Variants in MLLT10 observed in about 807,000 individuals in gnomAD.
MLLT10 encodes MLLT10 histone lysine methyltransferase DOT1L cofactor, also known as protein AF-10.
In MLLT10, 30 loss-of-function variants were observed where a neutral mutation model predicts 129.1. That is an observed-to-expected ratio of 0.23 (90% CI 0.17 to 0.32). The LOEUF (loss-of-function observed/expected upper bound fraction) is 0.32. Ranked by LOEUF, MLLT10 falls within the 10% of genes least tolerant of loss-of-function variation. MLLT10 has a pLI of 1.00. For missense variants in MLLT10, 1,119 were observed against 1,268.3 expected, an observed-to-expected ratio of 0.88 and a Z score of 1.79; for synonymous variants, 490 against 446.4, an observed-to-expected ratio of 1.10 and a Z score of -1.23.
upstream of MLLT10, chr10:21,534,152 G>A (rs987695023): frequency 1.1e-5 from 4 of 370,564 alleles, no homozygotes; most frequent in Admixed American, 1.8e-4. Flanking sequence ...TAGGCCGGGG[G>A]CAGCCAACAG....
rs542298194 is a variant in MLLT10 at position 21,669,621 on chromosome 10, A to G, written c.796-828A>G. On this transcript the variant is annotated intron_variant, in intron 9 of 22. Transcript: ENST00000307729. ...TTTAGTGAACTTAATGGCAACATCA[A>G]AATCTTTGCCCTTATGGACTTTATA... is the stretch of plus-strand genomic sequence containing the variant. Among the ~76,000 whole-genome samples the G allele has an allele frequency of 3.0e-4, 45 of 152,320 alleles. 1 individual carries two copies. The highest frequency in any genetic ancestry group is 2.5e-3 in the South Asian group (12 of 4,832).
chr10:21,693,183 A>G (rs541961758), intron 13 of MLLT10, among the ~76,000 whole-genome samples: 1 of 152,242 alleles, frequency 6.6e-6, no homozygotes, highest in African/African-American at 2.4e-5. Context: ...AGAAAAAATC[A>G]CCCCATGTAA....
chr10:21,626,059 C>G (rs183857767), intron 8 of MLLT10: 3 of 1,500,486 alleles, frequency 2.0e-6, no homozygotes, highest in African/African-American at 1.4e-5. Flanking sequence ...CAAGCAAGGC[C>G]TTGATCTTCA....
intron 3 of MLLT10, chr10:21,557,124 G>T: frequency 7.2e-7 from 1 of 1,383,382 alleles, no homozygotes; most frequent in Non-Finnish European, 9.3e-7. Flanking sequence ...TTGCCCTTTT[G>T]TCTTTTCCTC....
chr10:21,658,358 A>C (rs556937626), intron 9 of MLLT10, among the ~76,000 whole-genome samples: 1 of 152,222 alleles, frequency 6.6e-6, no homozygotes, highest in Admixed American at 6.5e-5. Flanking sequence ...AAATGGAAAC[A>C]TATAGTATGT....
intron 5 of MLLT10, among the ~76,000 whole-genome samples, chr10:21,603,465 C>G (rs1040135615): frequency 6.6e-5 from 10 of 152,070 alleles, no homozygotes; most frequent in African/African-American, 1.9e-4. Flanking sequence ...GCTTTTAAAG[C>G]TTTAATACTT....
rs1045316962 is a variant in MLLT10 at position 21,534,320 on chromosome 10, C to CT, written c.-201_-200insT. On this transcript the variant is annotated 5_prime_UTR_variant, in exon 1 of 23. Coordinates refer to ENST00000307729, the MANE Select transcript of MLLT10 (RefSeq NM_001195626.3). ...GCCCAGCGGGAGCCCCCCCTCCCCC[C>CT]AGTGCGCCTGTGCGGAGGCCCTCTT... The CT allele has an allele frequency of 5.1e-6, 2 of 389,240 alleles. No homozygotes were observed. Among genetic ancestry groups the CT allele is most frequent in the Non-Finnish European group, 9.1e-6 (2 of 218,832 alleles). 24.1% of individuals were successfully genotyped at this position (389,240 alleles called of 1,614,324 possible).
At chr10:21,571,779 CTTTGT>C (rs1404534106) in intron 3 of MLLT10, among the ~76,000 whole-genome samples, 2 of 152,044 alleles carry the variant, frequency 1.3e-5, no homozygotes, top group African/African-American at 4.8e-5. Context: ...CTTTGCTATT[CTTTGT>C]TTTCTTTTTT....
chr10:21,687,684 T>C lies in MLLT10; in HGVS notation c.1699+5427T>C, dbSNP rs185164839. On this transcript the variant is annotated intron_variant, in intron 13 of 22. Transcript: ENST00000307729. ...TAGGTTAAAAAAAGGGGAAGGGAAC[T>C]AGGCCTTGGGCGTAGTAAAGAGCTG... Among the ~76,000 whole-genome samples, 46 of 152,296 alleles carry C rather than the reference T, an allele frequency of 3.0e-4. 1 individual carries two copies. Among genetic ancestry groups the C allele is most frequent in the Admixed American group, 2.7e-3 (42 of 15,286 alleles).
intron 4 of MLLT10, among the ~76,000 whole-genome samples, chr10:21,594,567 A>ATTTAATATGAAATTTAACACATTTC (rs1171913756): frequency 6.7e-6 from 1 of 148,256 alleles, no homozygotes; most frequent in African/African-American, 2.5e-5. Context: ...AAAAAAAAAA[A>ATTTAATATGAAATTTAACACATTTC]AAAAAAAAAG....
chr10:21,608,344 C>CT (rs895032635), intron 5 of MLLT10, among the ~76,000 whole-genome samples: 31 of 146,378 alleles, frequency 2.1e-4, no homozygotes, highest in East Asian at 1.2e-3. Flanking sequence ...TAATTTTTTT[C>CT]TTTTTTTTTT....
At chr10:21,701,316 G>T (rs1313808389) in intron 13 of MLLT10, among the ~76,000 whole-genome samples, 2 of 148,044 alleles carry the variant, frequency 1.4e-5, no homozygotes, top group Admixed American at 6.7e-5. Flanking sequence ...GGGAGAGGGG[G>T]TCTCTGTCTA....
intron 13 of MLLT10, among the ~76,000 whole-genome samples, chr10:21,686,534 C>A (rs561385049): frequency 1.0e-3 from 152 of 152,202 alleles, no homozygotes; most frequent in South Asian, 7.3e-3. Flanking sequence ...CAATATTATT[C>A]TTAATTCCTT....
intron 9 of MLLT10, among the ~76,000 whole-genome samples, chr10:21,668,236 C>T (rs2051028974): frequency 6.6e-6 from 1 of 152,020 alleles, no homozygotes; most frequent in South Asian, 2.1e-4. Context: ...AGTGAGGAAA[C>T]AAGATTTTGT....
chr10:21,587,772 T>C (rs552401071), intron 4 of MLLT10, among the ~76,000 whole-genome samples: 1 of 152,298 alleles, frequency 6.6e-6, no homozygotes, highest in South Asian at 2.1e-4. Flanking sequence ...TATTTTACAG[T>C]TTAATCTTCA....
rs2046263068 is a variant in MLLT10, at chr10:21,624,811, C to G, written c.699+7604C>G. 11 of 1,065,914 alleles carry G rather than the reference C, an allele frequency of 1.0e-5. 1 individual carries two copies. The highest frequency in any genetic ancestry group is 1.4e-5 in the Non-Finnish European group (10 of 708,502). The allele number at this position is 1,065,914 out of a possible 1,614,324, so 66.0% of individuals were successfully genotyped here. A position where few individuals can be genotyped will look rare whatever the true frequency, so the allele number is the denominator to read the frequency against. On this transcript the variant is annotated intron_variant, in intron 8 of 22. Transcript: ENST00000307729. Reference sequence around the variant, plus strand: ...ATTGTCCCCTGATTGCCCTGAGATCCACGGGAACCACGGCCACGGCCTCTC... The same window carrying G: ...ATTGTCCCCTGATTGCCCTGAGATCGACGGGAACCACGGCCACGGCCTCTC...
chr10:21,590,371 GCT>G (rs1327835659), intron 4 of MLLT10, among the ~76,000 whole-genome samples: 4 of 149,640 alleles, frequency 2.7e-5, no homozygotes, highest in African/African-American at 9.9e-5. Flanking sequence ...ATGGAGTCTT[GCT>G]CTGTCACTCA....
At chr10:21,566,069 C>A (rs1416728033) in intron 3 of MLLT10, among the ~76,000 whole-genome samples, 1 of 148,976 alleles carries the variant, frequency 6.7e-6, no homozygotes, top group Non-Finnish European at 1.5e-5. Context: ...TCTCCTGACT[C>A]AGCCTCCAGA....
At chr10:21,590,618 C>T (rs898735655) in intron 4 of MLLT10, among the ~76,000 whole-genome samples, 2 of 152,096 alleles carry the variant, frequency 1.3e-5, no homozygotes, top group East Asian at 3.9e-4. Context: ...GGATTACAGG[C>T]GGGAGCCACC....
Sources: gnomAD v4.1 joint callset for allele counts (sites outside exome capture counted in the v4.1 genomes callset) on GRCh38, gnomAD v4.1.1 for gene constraint, MANE v1.5 for transcripts, NCBI Gene and HGNC (gene_info 2026-07-23, HGNC 2026-07-21) for gene names.